Variants in EXOC4 observed in about 807,000 individuals in gnomAD.
The protein encoded by EXOC4 is exocyst complex component 4.
In EXOC4, 71 loss-of-function variants were observed where a neutral mutation model predicts 107.2. The observed-to-expected ratio is 0.66, with a 90% CI of 0.55 to 0.81. The LOEUF is 0.81. Among genes scored for constraint, EXOC4 ranks in the 30% least tolerant of loss-of-function variants. EXOC4 has a pLI of 0.00. For missense variants in EXOC4, 1,108 were observed against 1,189.6 expected, an observed-to-expected ratio of 0.93 and a Z score of 1.01; for synonymous variants, 456 against 441.2, an observed-to-expected ratio of 1.03 and a Z score of -0.42.
At chr7:133,419,400 A>G (rs1177247236) in intron 7 of EXOC4, among the ~76,000 whole-genome samples, 1 of 152,194 alleles carries the variant, frequency 6.6e-6, no homozygotes, top group Non-Finnish European at 1.5e-5. Context: ...GTTGGTATTC[A>G]TGATTAAAAT....
intron 10 of EXOC4, among the ~76,000 whole-genome samples, chr7:133,725,204 T>C (rs1795188480): frequency 6.6e-6 from 1 of 152,192 alleles, no homozygotes; most frequent in African/African-American, 2.4e-5. Flanking sequence ...GGCTAGCGTA[T>C]TGGTCAGAAA....
At chr7:133,758,045 A>G (rs1294908758) in intron 10 of EXOC4, among the ~76,000 whole-genome samples, 1 of 152,190 alleles carries the variant, frequency 6.6e-6, no homozygotes, top group East Asian at 1.9e-4. Flanking sequence ...GAATTGCTAG[A>G]CTATTTAGGA....
In EXOC4 at chr7:133,972,268, T is replaced by C. The variant is rs1016495964; in HGVS notation, c.2207-25224T>C. On this transcript the variant is annotated intron_variant, in intron 14 of 17. Coordinates refer to ENST00000253861, the MANE Select transcript of EXOC4 (RefSeq NM_021807.4). ...ATTTTACCCTGCTTCTTTTTCTCCTTCTTACATTCATTATTTTCCATTTTT... is the reference window on the plus strand; with the variant it reads ...ATTTTACCCTGCTTCTTTTTCTCCTCCTTACATTCATTATTTTCCATTTTT... Among the ~76,000 whole-genome samples, 5 of 152,326 alleles carry C rather than the reference T, an allele frequency of 3.3e-5. 1 individual carries two copies. Among genetic ancestry groups the C allele is most frequent in the Admixed American group, 3.3e-4 (5 of 15,302 alleles).
chr7:133,950,520 TCAGGG>T (rs141707067), intron 14 of EXOC4, among the ~76,000 whole-genome samples: 5,427 of 152,264 alleles, frequency 0.036, 174 homozygotes, highest in Non-Finnish European at 0.049. Flanking sequence ...TCCTTAGGCC[TCAGGG>T]TCTGCTCCTC....
intron 9 of EXOC4, among the ~76,000 whole-genome samples, chr7:133,563,184 A>G (rs1000414813): frequency 5.3e-5 from 8 of 151,246 alleles, no homozygotes; most frequent in African/African-American, 2.0e-4. Flanking sequence ...GCCATTTCTA[A>G]TGGCATATGA....
In EXOC4 at chr7:133,276,538, C is replaced by CT. The variant is rs991540793; in HGVS notation, c.276+1377dup. Among the ~76,000 whole-genome samples, 12 of 149,422 alleles carry CT rather than the reference C, an allele frequency of 8.0e-5. No homozygotes were observed. The East Asian group carries it at 2.0e-3, about 24-fold the overall frequency. ...TCAGGCATTTTTAAAGCAGCAGAAA[C>CT]TTTTTTTTTTAATGTGATATTTTGC... On this transcript the variant is annotated intron_variant, in intron 2 of 17. Transcript: ENST00000253861.
chr7:133,940,027 T>G (rs976149315), intron 14 of EXOC4, among the ~76,000 whole-genome samples: 1 of 152,222 alleles, frequency 6.6e-6, no homozygotes, highest in Non-Finnish European at 1.5e-5. Context: ...AATGCAGAGC[T>G]GCTTAGGTAG....
intron 7 of EXOC4, among the ~76,000 whole-genome samples, chr7:133,395,353 G>A (rs1458853774): frequency 1.3e-5 from 2 of 152,056 alleles, no homozygotes; most frequent in African/African-American, 4.8e-5. Flanking sequence ...GGATTAAAGC[G>A]ATGAGGAAGT....
chr7:133,471,580 C>A (rs559313939), intron 7 of EXOC4, among the ~76,000 whole-genome samples: 1 of 152,170 alleles, frequency 6.6e-6, no homozygotes, highest in Non-Finnish European at 1.5e-5. Flanking sequence ...AAAAATTACA[C>A]CCATCCTTTT....
At chr7:133,812,764 C>A (rs913745679) in intron 10 of EXOC4, among the ~76,000 whole-genome samples, 12 of 152,044 alleles carry the variant, frequency 7.9e-5, no homozygotes, top group Non-Finnish European at 1.8e-4. Context: ...ATAAACTCTG[C>A]TCTCTTAGTG....
At chr7:133,300,883 C>A (rs1022023091) in intron 3 of EXOC4, among the ~76,000 whole-genome samples, 5 of 135,622 alleles carry the variant, frequency 3.7e-5, no homozygotes, top group African/African-American at 1.6e-4. Flanking sequence ...ATGATAGATA[C>A]CATTTTTTTT....
intron 11 of EXOC4, among the ~76,000 whole-genome samples, chr7:133,861,604 G>A (rs544803871): frequency 1.3e-4 from 20 of 151,938 alleles, no homozygotes; most frequent in East Asian, 1.9e-4. Context: ...GCGTGATCTC[G>A]GCTCACTGCA....
At chr7:133,254,612 A>T (rs1042597875) in intron 1 of EXOC4, among the ~76,000 whole-genome samples, 1 of 152,208 alleles carries the variant, frequency 6.6e-6, no homozygotes, top group Non-Finnish European at 1.5e-5. Flanking sequence ...TCTGGCACGT[A>T]TTACATATTG....
At chr7:133,454,943 A>G (rs1257125865) in intron 7 of EXOC4, among the ~76,000 whole-genome samples, 1 of 152,088 alleles carries the variant, frequency 6.6e-6, no homozygotes, top group Non-Finnish European at 1.5e-5. Context: ...TACAAAAAAT[A>G]TAAAAATTAG....
At chr7:133,489,700 T>C (rs958824118) in intron 9 of EXOC4, among the ~76,000 whole-genome samples, 4 of 152,184 alleles carry the variant, frequency 2.6e-5, no homozygotes, top group Non-Finnish European at 5.9e-5. Flanking sequence ...TATAGGTTTA[T>C]TGTATGTTTA....
At chr7:133,578,903 A>G (rs1801190723) in intron 9 of EXOC4, among the ~76,000 whole-genome samples, 2 of 152,150 alleles carry the variant, frequency 1.3e-5, no homozygotes, top group South Asian at 4.1e-4. Context: ...GGGCAAAATG[A>G]CTTTGCAGTG....
At chr7:133,895,289 G>A (rs1368138546) in intron 11 of EXOC4, 3 of 203,642 alleles carry the variant, frequency 1.5e-5, no homozygotes, top group Non-Finnish European at 2.0e-5. Flanking sequence ...GCTTCGGCTC[G>A]CGCACGGTGC....
At chr7:133,489,686 C>T (rs1799335454) in intron 9 of EXOC4, among the ~76,000 whole-genome samples, 1 of 152,076 alleles carries the variant, frequency 6.6e-6, no homozygotes, top group Non-Finnish European at 1.5e-5. Flanking sequence ...ATTTGTTAAT[C>T]CTGTATAGGT....
At position 133,917,474 on chromosome 7, in the gene EXOC4, A is replaced by G. The variant is rs988610228; in HGVS notation, c.1872-109A>G. The G allele has an allele frequency of 1.3e-4, 144 of 1,067,430 alleles. 1 individual carries two copies. Among genetic ancestry groups the G allele is most frequent in the South Asian group, 1.1e-3 (64 of 60,122 alleles). 66.1% of individuals were successfully genotyped at this position (1,067,430 alleles called of 1,614,324 possible). On this transcript the variant is annotated intron_variant, in intron 12 of 17. Transcript: ENST00000253861. ...CAACTTAGATAATGGATTATGTTCA[A>G]AGGAGAGATGAGTGTGATTTCTTTT...
Sources: allele counts gnomAD v4.1 joint callset (sites outside exome capture counted in the v4.1 genomes callset), GRCh38; gene constraint gnomAD v4.1.1; transcripts MANE v1.5; gene names NCBI Gene and HGNC (gene_info 2026-07-23, HGNC 2026-07-21).